The following ACER1 variants were observed in gnomAD, a reference collection of about 807,000 sequenced individuals.
ACER1 encodes alkaline ceramidase 1.
Under a neutral mutation model 24.9 loss-of-function variants are expected in ACER1, and 28 were observed. That is an observed-to-expected ratio of 1.13 (90% CI 0.83 to 1.54). ACER1 has a LOEUF of 1.54. Among genes scored for constraint, ACER1 ranks in the 40% most tolerant of loss-of-function variants. The pLI, the probability that ACER1 is intolerant of heterozygous loss-of-function variation, is 0.00. For missense variants in ACER1, 352 were observed against 349.3 expected (o/e 1.01, Z -0.06); for synonymous variants, 132 against 131.4 (o/e 1.00, Z -0.03).
upstream of ACER1, among the ~76,000 whole-genome samples, chr19:6,335,093 A>G (rs1343103332): frequency 1.4e-5 from 2 of 146,406 alleles, no homozygotes; most frequent in Non-Finnish European, 1.5e-5. Flanking sequence ...CTATTGTTAT[A>G]TAATATTTTA....
the ACER1 span, among the ~76,000 whole-genome samples, chr19:6,348,294 G>A: frequency 0.2 from 29,753 of 151,166 alleles, 4,076 homozygotes; most frequent in East Asian, 0.39. Flanking sequence ...GTGAAACCCT[G>A]TCTCTACTAA....
At chr19:6,348,420 T>G in the ACER1 span, among the ~76,000 whole-genome samples, 8,452 of 141,862 alleles carry the variant, frequency 0.06, 345 homozygotes, top group African/African-American at 0.12. Flanking sequence ...AGCCAAGATC[T>G]CACGACTGCA....
the ACER1 span, among the ~76,000 whole-genome samples, chr19:6,342,233 G>A: frequency 6.7e-6 from 1 of 148,158 alleles, no homozygotes; most frequent in Non-Finnish European, 1.5e-5. Flanking sequence ...AATGAATTCT[G>A]GTTGTGTAAG....
At chr19:6,337,907 G>A (rs1318290979), upstream of ACER1, among the ~76,000 whole-genome samples, 3 of 150,428 alleles carry the variant, frequency 2.0e-5, no homozygotes, top group African/African-American at 4.9e-5. Flanking sequence ...TCGATCTCCC[G>A]ACCTCGTGAT....
rs557706051 is a variant in ACER1 at position 6,326,788 on chromosome 19, A to C, written c.93+6671T>G. 2.9e-4 allele frequency among the ~76,000 whole-genome samples: 44 copies of C among 152,164 alleles called. 1 individual carries two copies. The East Asian group carries it at 6.8e-3, about 23-fold the overall frequency. The stretch of plus-strand genomic sequence containing the variant: ...GCAGCGGTGGGTTTATAGCATTTTG[A>C]TTGAATAAATGAATGAGTCCATCAG... On this transcript the variant is annotated intron_variant, in intron 1 of 5. Transcript: ENST00000301452.
the ACER1 span, among the ~76,000 whole-genome samples, chr19:6,351,361 C>T: frequency 1.0e-4 from 15 of 150,406 alleles, no homozygotes; most frequent in South Asian, 6.4e-4. Context: ...AGTGAAACTC[C>T]GTCTCAAAAA....
the ACER1 span, among the ~76,000 whole-genome samples, chr19:6,349,430 A>ACAG: frequency 7.3e-6 from 1 of 136,456 alleles, no homozygotes; most frequent in African/African-American, 3.0e-5. Flanking sequence ...GGAAGGAAGG[A>ACAG]AAGAAGGAAG....
chr19:6,310,721 A>C (rs1016600177), intron 3 of ACER1, among the ~76,000 whole-genome samples: 14 of 151,840 alleles, frequency 9.2e-5, no homozygotes, highest in Admixed American at 7.9e-4. Context: ...TCTACCAAAA[A>C]TACAAAAAAC....
Position 6,333,450 on chromosome 19 carries a change from C to T in ACER1, c.93+9G>A, listed in dbSNP as rs751313289. On this transcript the variant is annotated intron_variant, in intron 1 of 5. Transcript: ENST00000301452. Reference sequence around the variant, plus strand: ...CTGGCGAGACTCCTTCACACACCCACGCACTCACCGTGTTGTAGAACTCGG... The same window carrying T: ...CTGGCGAGACTCCTTCACACACCCATGCACTCACCGTGTTGTAGAACTCGG... 7.0e-6 allele frequency: 11 copies of T among 1,579,636 alleles called. No individual in the cohort carries two copies. Among genetic ancestry groups the T allele is most frequent in the Admixed American group, 1.8e-5 (1 of 55,090 alleles).
chr19:6,312,503 G>T lies in ACER1; in HGVS notation c.94-4C>A. ...TGAAGAAGGGGATATTGGAGAACTG[G>T]AGCAGAGAGAGCCATAGGGAGGAGC... On this transcript the variant is annotated splice_region_variant and splice_polypyrimidine_tract_variant and intron_variant, in intron 1 of 5. Transcript: ENST00000301452. The T allele has an allele frequency of 6.2e-7, 1 of 1,610,872 alleles. No individual in the cohort carries two copies. Among genetic ancestry groups the T allele is most frequent in the Non-Finnish European group, 8.5e-7 (1 of 1,177,402 alleles).
At chr19:6,312,022 C>A in intron 3 of ACER1, 127 bp downstream of exon 3, 6 of 1,294,822 alleles carry the variant, frequency 4.6e-6, no homozygotes, top group Non-Finnish European at 5.2e-6. Context: ...CCGAAGTGGT[C>A]AGGGGAGGAA....
the ACER1 span, among the ~76,000 whole-genome samples, chr19:6,345,407 TC>T: frequency 6.6e-6 from 1 of 152,160 alleles, no homozygotes; most frequent in Non-Finnish European, 1.5e-5. Flanking sequence ...CATTTATTGT[TC>T]ACTATTTCTA....
At chr19:6,324,428 A>C (rs907671611) in intron 1 of ACER1, among the ~76,000 whole-genome samples, 8 of 151,664 alleles carry the variant, frequency 5.3e-5, no homozygotes, top group African/African-American at 1.9e-4. Flanking sequence ...CACTGCCTCC[A>C]GGACCTGGGG....
At position 6,309,121 on chromosome 19, in the gene ACER1, C is replaced by G. The variant is rs563579211; in HGVS notation, c.488+576G>C. ...GGCTGAGGCAGGAGAATCCTTGAAC[C>G]CGGGAGGCAGAGTTTGCAGTGAGCT... On this transcript the variant is annotated intron_variant, in intron 4 of 5. Coordinates refer to ENST00000301452, the MANE Select transcript of ACER1 (RefSeq NM_133492.3). Among the ~76,000 whole-genome samples, 125 of 152,158 alleles carry G rather than the reference C, an allele frequency of 8.2e-4. 1 individual carries two copies. Among genetic ancestry groups the G allele is most frequent in the African/African-American group, 2.9e-3 (119 of 41,492 alleles).
chr19:6,330,902 T>C (rs937799490), intron 1 of ACER1, among the ~76,000 whole-genome samples: 12 of 149,406 alleles, frequency 8.0e-5, no homozygotes, highest in Non-Finnish European at 1.0e-4. Flanking sequence ...GGCAACAGGG[T>C]CAGAGCAACC....
intron 1 of ACER1, among the ~76,000 whole-genome samples, chr19:6,323,230 C>G (rs893690038): frequency 6.6e-6 from 1 of 152,108 alleles, no homozygotes; most frequent in Non-Finnish European, 1.5e-5. Flanking sequence ...ACCATCATGG[C>G]TAACACAGTG....
At chr19:6,346,981 A>G in the ACER1 span, among the ~76,000 whole-genome samples, 8,129 of 150,714 alleles carry the variant, frequency 0.054, 356 homozygotes, top group African/African-American at 0.12. Context: ...TGTGTTGCAG[A>G]CAGGGCATGG....
intron 1 of ACER1, among the ~76,000 whole-genome samples, chr19:6,331,379 G>C (rs988724962): frequency 1.4e-5 from 2 of 146,816 alleles, no homozygotes; most frequent in African/African-American, 5.3e-5. Context: ...TTGACCTCTT[G>C]ACCTCATGAT....
At chr19:6,335,561 T>C (rs542909980), upstream of ACER1, among the ~76,000 whole-genome samples, 88 of 152,190 alleles carry the variant, frequency 5.8e-4, no homozygotes, top group Admixed American at 1.2e-3. Flanking sequence ...CCGGGTGCTG[T>C]GGCTCACGCC....
Sources: allele counts gnomAD v4.1 joint callset (sites outside exome capture counted in the v4.1 genomes callset), GRCh38; gene constraint gnomAD v4.1.1; transcripts MANE v1.5; gene names NCBI Gene and HGNC (gene_info 2026-07-23, HGNC 2026-07-21).